Variants in DNAH10 observed in about 807,000 individuals in gnomAD.
DNAH10 encodes axonemal beta dynein heavy chain 10.
A neutral mutation model predicts 506.6 loss-of-function variants in DNAH10; 348 were observed. That is an observed-to-expected ratio of 0.69 (90% CI 0.63 to 0.75). The LOEUF (loss-of-function observed/expected upper bound fraction) is 0.75. Among genes scored for constraint, DNAH10 ranks in the 30% least tolerant of loss-of-function variants. The pLI is 0.00. For synonymous variants in DNAH10, 2,059 were observed against 2,198.6 expected, an observed-to-expected ratio of 0.94 and a Z score of 1.78; for missense variants, 5,179 against 5,787.1, an observed-to-expected ratio of 0.89 and a Z score of 3.41.
chr12:123,821,321 C>T (rs746012457), intron 24 of DNAH10, among the ~76,000 whole-genome samples: 21 of 152,064 alleles, frequency 1.4e-4, no homozygotes, highest in East Asian at 1.4e-3. Flanking sequence ...CTTGATGCCA[C>T]GGAATTGTAC....
At chr12:123,770,172 C>T (rs1001953410) in intron 2 of DNAH10, among the ~76,000 whole-genome samples, 4 of 151,860 alleles carry the variant, frequency 2.6e-5, no homozygotes, top group African/African-American at 9.7e-5. Flanking sequence ...TGCTTGAACT[C>T]GGGAGGCGGA....
At position 123,841,365 on chromosome 12, in the gene DNAH10, G is replaced by A; in HGVS notation, c.5180G>A (p.Ser1727Asn). 3.1e-6 allele frequency: 5 copies of A among 1,614,036 alleles called. No homozygotes were observed. The highest frequency in any genetic ancestry group is 1.3e-5 in the African/African-American group (1 of 75,060). ...IASLRFNDGDSGEKLVSAMIS... is the reference protein window; with the variant it reads ...IASLRFNDGDNGEKLVSAMIS... Reference sequence around the variant, plus strand: ...TCACTGAGGTTTAATGACGGCGATAGTGGAGAAAAACTGGTGTCCGCGATG... The same window carrying A: ...TCACTGAGGTTTAATGACGGCGATAATGGAGAAAAACTGGTGTCCGCGATG... The change falls in exon 30 of 79, where the codon AGT becomes AAT. Residue 1727 changes from serine to asparagine, a missense_variant. Transcript: ENST00000673944.
At chr12:123,832,310 A>T (rs1960648495) in intron 26 of DNAH10, among the ~76,000 whole-genome samples, 1 of 152,218 alleles carries the variant, frequency 6.6e-6, no homozygotes, top group Non-Finnish European at 1.5e-5. Flanking sequence ...CACACAGTGT[A>T]CCTAGTATGC....
In DNAH10 at chr12:123,931,399, C is replaced by T. The variant is rs746588239; in HGVS notation, c.12843C>T (p.Asn4281=). Residue 4281 remains asparagine (N), a synonymous_variant, in exon 74 of 79, where the codon AAC becomes AAT. Transcript: ENST00000673944. ...NTPEVFGLHP[N]AEIGYYTQAA... ...CAGAAGTGTTTGGTCTCCACCCCAA[C>T]GCTGAGATTGGCTATTACACGCAGG... The T allele has an allele frequency of 6.8e-6, 11 of 1,613,880 alleles. 1 individual carries two copies. The highest frequency in any genetic ancestry group is 6.7e-5 in the Admixed American group (4 of 60,002).
At chr12:123,842,253 G>A (rs1469332515) in intron 30 of DNAH10, among the ~76,000 whole-genome samples, 1 of 152,194 alleles carries the variant, frequency 6.6e-6, no homozygotes, top group African/African-American at 2.4e-5. Flanking sequence ...GAAACTAGGC[G>A]TTTAGTGGGA....
chr12:123,875,639 A>G (rs1437441178), intron 47 of DNAH10, 148 bp downstream of exon 47: 1 of 982,296 alleles, frequency 1.0e-6, no homozygotes, highest in African/African-American at 1.6e-5. Context: ...TTCTTGCAAA[A>G]TCAGAAGAAA....
chr12:123,926,590 G>A lies in DNAH10; in HGVS notation c.11922-47G>A. 1 of 1,589,038 alleles carries A rather than the reference G, an allele frequency of 6.3e-7. No homozygotes were observed. Among genetic ancestry groups the A allele is most frequent in the East Asian group, 2.2e-5 (1 of 44,614 alleles). On this transcript the variant is annotated intron_variant, in intron 68 of 78. Coordinates refer to ENST00000673944, the MANE Select transcript of DNAH10 (RefSeq NM_001372106.1). This position sits in a 1 kb window ranked among gnomAD's most constrained non-coding sequence, Gnocchi z 4.1. ...GATCAGACAGACCAGCCCCTGGTCT[G>A]GAGCTGTCCTCGCGGGAGAGTTTTC...
Position 123,907,917 on chromosome 12 carries a change from T to A in DNAH10, c.9816-1344T>A, listed in dbSNP as rs1953861471. ...GCTTTGTGCTGAAGTGTGGGCGCCC[T>A]CCCTCCTGGCTGTTGCCCTGGCTTG... On this transcript the variant is annotated intron_variant, in intron 57 of 78. Coordinates refer to ENST00000673944, the MANE Select transcript of DNAH10 (RefSeq NM_001372106.1). The surrounding 1 kb of genome is among the most constrained non-coding windows in gnomAD (Gnocchi z 4.4). Among the ~76,000 whole-genome samples the A allele has an allele frequency of 6.6e-6, 1 of 152,088 alleles. No homozygotes were observed. The highest frequency in any genetic ancestry group is 1.5e-5 in the Non-Finnish European group (1 of 68,012).
chr12:123,889,006 C>T (rs966282812), intron 52 of DNAH10, among the ~76,000 whole-genome samples: 8 of 152,214 alleles, frequency 5.3e-5, no homozygotes, highest in African/African-American at 1.9e-4. Flanking sequence ...TGAGCCCCAG[C>T]CTCCCAGCAT....
chr12:123,869,978 G>T (rs938274125), intron 43 of DNAH10, among the ~76,000 whole-genome samples: 8 of 152,180 alleles, frequency 5.3e-5, no homozygotes, highest in Admixed American at 2.0e-4. Context: ...CTTCTTGCCT[G>T]TATCTGTCCC....
intron 46 of DNAH10, among the ~76,000 whole-genome samples, chr12:123,874,533 A>G (rs567975817): frequency 1.3e-5 from 2 of 150,036 alleles, no homozygotes; most frequent in East Asian, 4.0e-4. Context: ...CCATTTATCC[A>G]TCTACCCATC....
At chr12:123,805,672 T>C (rs1159379769) in intron 18 of DNAH10, among the ~76,000 whole-genome samples, 1 of 152,208 alleles carries the variant, frequency 6.6e-6, no homozygotes, top group Non-Finnish European at 1.5e-5. Flanking sequence ...TCAAGAGTAG[T>C]GTTCATTTTA....
chr12:123,857,037 T>C lies in DNAH10; in HGVS notation c.6439-19T>C. On this transcript the variant is annotated intron_variant, in intron 36 of 78. Transcript: ENST00000673944. Reference sequence around the variant, plus strand: ...TTCCTTTGGAAATCTCTTGGAAACATGTGTTTCATTTCCTGCAGGACGTGG... The same window carrying C: ...TTCCTTTGGAAATCTCTTGGAAACACGTGTTTCATTTCCTGCAGGACGTGG... 1.4e-5 allele frequency: 23 copies of C among 1,592,772 alleles called. No homozygotes were observed. The highest frequency in any genetic ancestry group is 2.0e-5 in the Non-Finnish European group (23 of 1,169,002).
chr12:123,919,004 G>T lies in DNAH10; in HGVS notation c.11506+55G>T. ...TAGTGTAGTTTGGTGTGCCAGACGT[G>T]GCTTTAAGGAAACGTGATCTGTGAA... On this transcript the variant is annotated intron_variant, in intron 65 of 78. Coordinates refer to ENST00000673944, the MANE Select transcript of DNAH10 (RefSeq NM_001372106.1). This position sits in a 1 kb window ranked among gnomAD's most constrained non-coding sequence, Gnocchi z 4.9. 6.8e-7 allele frequency: 1 copy of T among 1,479,904 alleles called. No individual in the cohort carries two copies. The highest frequency in any genetic ancestry group is 9.0e-7 in the Non-Finnish European group (1 of 1,110,926). The allele number at this position is 1,479,904 out of a possible 1,614,324, so 91.7% of individuals were successfully genotyped here. A position where few individuals can be genotyped will look rare whatever the true frequency, so the allele number is the denominator to read the frequency against.
intron 12 of DNAH10, 25 bp from the exon 13 acceptor site, chr12:123,796,631 C>G (rs898598952): frequency 5.7e-6 from 9 of 1,578,140 alleles, no homozygotes; most frequent in Admixed American, 5.4e-5. Context: ...TTATCACTTA[C>G]AGAAGCTGTT....
intron 25 of DNAH10, among the ~76,000 whole-genome samples, chr12:123,829,884 A>C (rs192747201): frequency 3.2e-4 from 49 of 152,326 alleles, no homozygotes; most frequent in African/African-American, 1.1e-3. Flanking sequence ...ACCTTAAAGG[A>C]AGGCCAGTCA....
At chr12:123,841,118 A>G (rs1950760187) in intron 29 of DNAH10, among the ~76,000 whole-genome samples, 2 of 152,246 alleles carry the variant, frequency 1.3e-5, no homozygotes, top group Admixed American at 1.3e-4. Flanking sequence ...ATCTTTGCAC[A>G]GTACAGAGTA....
intron 12 of DNAH10, among the ~76,000 whole-genome samples, chr12:123,796,287 T>C (rs1958274200): frequency 6.6e-6 from 1 of 152,120 alleles, no homozygotes; most frequent in Non-Finnish European, 1.5e-5. Context: ...GGAAACACCA[T>C]TTCTACCAAA....
At chr12:123,832,063 C>T (rs1960611799) in intron 26 of DNAH10, among the ~76,000 whole-genome samples, 1 of 152,160 alleles carries the variant, frequency 6.6e-6, no homozygotes, top group African/African-American at 2.4e-5. Flanking sequence ...TGCATGTAGA[C>T]ACATATGCAT....
Sources: gnomAD v4.1 joint callset for allele counts (sites outside exome capture counted in the v4.1 genomes callset) on GRCh38, gnomAD v4.1.1 for gene constraint, Gnocchi (gnomAD v3.1) non-coding constraint, MANE v1.5 for transcripts, NCBI Gene and HGNC (gene_info 2026-07-23, HGNC 2026-07-21) for gene names.